Variants in UBA2 observed in about 807,000 individuals in gnomAD.
UBA2 encodes the protein ubiquitin like modifier activating enzyme 2, also known as SUMO-activating enzyme subunit 2.
In UBA2, 11 loss-of-function variants were observed where a neutral mutation model predicts 77.2. The observed-to-expected ratio is 0.14, with a 90% CI of 0.09 to 0.24. The LOEUF (loss-of-function observed/expected upper bound fraction) is 0.24. Among genes scored for constraint, UBA2 ranks in the 10% least tolerant of loss-of-function variants. The pLI is 1.00. For missense variants in UBA2, 487 were observed against 781.7 expected (o/e 0.62, Z 4.50); for synonymous variants, 278 against 276.7 (o/e 1.00, Z -0.05).
chr19:34,439,206 C>T (rs76530696), intron 6 of UBA2, among the ~76,000 whole-genome samples: 1 of 87,102 alleles, frequency 1.1e-5, no homozygotes, highest in Non-Finnish European at 2.3e-5. Flanking sequence ...GAATTTGTCT[C>T]AAAAAAAAAA....
chr19:34,433,313 T>C (rs966227923), intron 3 of UBA2, 35 bp from the exon 4 acceptor site: 2 of 1,504,346 alleles, frequency 1.3e-6, no homozygotes, highest in Admixed American at 3.5e-5. Context: ...GGAAGGCTAG[T>C]TATTTTGGTG....
In UBA2 at chr19:34,450,320, G is replaced by C. The variant is rs779877900; in HGVS notation, c.827G>C (p.Arg276Thr). 1 of 1,610,390 alleles carries C rather than the reference G, an allele frequency of 6.2e-7. No individual in the cohort carries two copies. Among genetic ancestry groups the C allele is most frequent in the Non-Finnish European group, 8.5e-7 (1 of 1,179,198 alleles). Residue 276 changes from arginine to threonine, a missense_variant, in exon 9 of 17, where the codon AGG becomes ACG. Arg to Thr is a moderately conservative substitution (Grantham distance 71). Coordinates refer to ENST00000246548, the MANE Select transcript of UBA2 (RefSeq NM_005499.3). ...ACAATGGACAAACTATGGCGGAAAA[G>C]GAAACCTCCAGTTCCGTTGGACTGG... The part of the protein sequence containing the change: ...LLTMDKLWRK[R>T]KPPVPLDWAE...
chr19:34,444,853 A>G (rs748644235), intron 7 of UBA2, 147 bp from the exon 8 acceptor site: 219 of 753,552 alleles, frequency 2.9e-4, no homozygotes, highest in Non-Finnish European at 3.5e-4. Flanking sequence ...ATGCTGATGA[A>G]TGTGTTATTT....
Position 34,443,890 on chromosome 19 carries a change from A to G in UBA2, c.628A>G (p.Arg210Gly). 1 of 1,611,254 alleles carries G rather than the reference A, an allele frequency of 6.2e-7. No homozygotes were observed. The highest frequency in any genetic ancestry group is 1.1e-5 in the South Asian group (1 of 91,024). The part of the protein sequence containing the change: ...EDADQEVSPD[R>G]ADPEAAWEPT... ...TGCTGATCAAGAAGTATCTCCTGAC[A>G]GAGCTGACCCTGAAGCTGCCTGTGA... is the stretch of plus-strand genomic sequence containing the variant. The change falls in exon 7 of 17, where the codon AGA (arginine) becomes GGA (glycine). Residue 210 changes from arginine (R) to glycine (G), a missense_variant. By Grantham distance (125) the Arg-to-Gly change is moderately radical (BLOSUM62 -2). This residue lies in a region of UBA2 where 300 missense variants were observed against 454.3 expected (regional missense o/e 0.66). Transcript: ENST00000246548.
At chr19:34,443,271 G>GT (rs2145515159) in intron 6 of UBA2, among the ~76,000 whole-genome samples, 1 of 152,264 alleles carries the variant, frequency 6.6e-6, no homozygotes, top group South Asian at 2.1e-4. Flanking sequence ...CCACTCACCT[G>GT]TTTCTTGAGC....
chr19:34,444,935 G>A, intron 7 of UBA2, 65 bp from the exon 8 acceptor site: 1 of 1,511,568 alleles, frequency 6.6e-7, no homozygotes, highest in Non-Finnish European at 8.9e-7. Context: ...ATTCCCAAAG[G>A]TGAGTGAAAA....
chr19:34,447,191 C>T (rs1008864867), intron 8 of UBA2, among the ~76,000 whole-genome samples: 5 of 152,094 alleles, frequency 3.3e-5, no homozygotes, highest in Admixed American at 2.0e-4. Context: ...GGCTGGGAGG[C>T]TAGGCCAGTC....
chr19:34,442,470 A>T (rs1276263807), intron 6 of UBA2, among the ~76,000 whole-genome samples: 5 of 152,076 alleles, frequency 3.3e-5, no homozygotes, highest in African/African-American at 1.2e-4. Flanking sequence ...TTTGAGATGG[A>T]GTTTCGCTCT....
rs1424104989 is a variant in UBA2 at position 34,431,719 on chromosome 19, A to G, written c.223-142A>G. 21 of 689,112 alleles carry G rather than the reference A, an allele frequency of 3.0e-5. 1 individual carries two copies. Among genetic ancestry groups the G allele is most frequent in the South Asian group, 2.6e-4 (14 of 54,446 alleles). 42.7% of individuals were successfully genotyped at this position (689,112 alleles called of 1,614,324 possible). On this transcript the variant is annotated intron_variant, in intron 2 of 16. Transcript: ENST00000246548. ...ATAAGTGTAGCTTAACCCTAATGCA[A>G]TTTTCTCACATTTTTGGACTTCTTT...
rs145118096 is a variant in UBA2, at chr19:34,450,633, C to G, written c.871+269C>G. ...AATGGAATCATACTATTGATAAACT[C>G]TCACTTGCTTTTGTCAGTCAGTATA... is the stretch of plus-strand genomic sequence containing the variant. On this transcript the variant is annotated intron_variant, in intron 9 of 16. Coordinates refer to ENST00000246548, the MANE Select transcript of UBA2 (RefSeq NM_005499.3). Among the ~76,000 whole-genome samples, 9 of 151,584 alleles carry G rather than the reference C, an allele frequency of 5.9e-5. No homozygotes were observed. The East Asian group carries it at 1.7e-3, about 29-fold the overall frequency.
chr19:34,440,779 A>G (rs537052237), intron 6 of UBA2, among the ~76,000 whole-genome samples: 15 of 152,240 alleles, frequency 9.9e-5, no homozygotes, highest in Admixed American at 9.2e-4. Flanking sequence ...ATACAAAATT[A>G]GCCGGACATG....
rs567092934 is a variant in UBA2, at chr19:34,456,833, C to A, written c.1246-1936C>A. On this transcript the variant is annotated intron_variant, in intron 12 of 16. Coordinates refer to ENST00000246548, the MANE Select transcript of UBA2 (RefSeq NM_005499.3). ...TTGGCCTCCCAAAGTGCTAGAATTA[C>A]AGGAGTGAGCCACCGTTCCTGGCCG... 1.3e-3 allele frequency among the ~76,000 whole-genome samples: 203 copies of A among 152,146 alleles called. 1 individual carries two copies. Among genetic ancestry groups the A allele is most frequent in the African/African-American group, 4.8e-3 (198 of 41,532 alleles).
chr19:34,443,418 T>G (rs940237863), intron 6 of UBA2, among the ~76,000 whole-genome samples: 4 of 151,990 alleles, frequency 2.6e-5, no homozygotes, highest in African/African-American at 9.6e-5. Context: ...CTTTTAAGTT[T>G]ATAGTCATTT....
chr19:34,444,431 C>A (rs2075406479), intron 7 of UBA2, among the ~76,000 whole-genome samples: 1 of 152,164 alleles, frequency 6.6e-6, no homozygotes, highest in Non-Finnish European at 1.5e-5. Flanking sequence ...TTTCACAAGT[C>A]TAGTAAATAG....
chr19:34,447,730 T>C (rs1333681938), intron 8 of UBA2, among the ~76,000 whole-genome samples: 1 of 152,232 alleles, frequency 6.6e-6, no homozygotes, highest in Non-Finnish European at 1.5e-5. Context: ...CTTAATGACA[T>C]TAAGTTCAGA....
chr19:34,466,583 A>AGTTC (rs2075690521), intron 15 of UBA2, among the ~76,000 whole-genome samples: 1 of 152,098 alleles, frequency 6.6e-6, no homozygotes, highest in African/African-American at 2.4e-5. Flanking sequence ...TTTTATTATA[A>AGTTC]GTTCAGTGCT....
chr19:34,438,518 T>A (rs773605844), intron 5 of UBA2, 127 bp from the exon 6 acceptor site: 1 of 1,162,618 alleles, frequency 8.6e-7, no homozygotes, highest in Non-Finnish European at 1.2e-6. Context: ...GAGTCACTAA[T>A]ATTTTAAAAT....
intron 3 of UBA2, chr19:34,433,143 A>G: frequency 4.1e-6 from 2 of 482,730 alleles, no homozygotes; most frequent in South Asian, 6.0e-5. Context: ...CTAGCTGGCC[A>G]AAAAGGATAG....
chr19:34,439,769 G>A (rs1265483730), intron 6 of UBA2, among the ~76,000 whole-genome samples: 1 of 152,082 alleles, frequency 6.6e-6, no homozygotes, highest in Non-Finnish European at 1.5e-5. Context: ...GCAGTGAACC[G>A]AGATAGTGCC....
Sources: gnomAD v4.1 joint callset for allele counts (sites outside exome capture counted in the v4.1 genomes callset) on GRCh38, gnomAD v4.1.1 for gene constraint, gnomAD v4.1.1 regional missense constraint, MANE v1.5 for transcripts, NCBI Gene and HGNC (gene_info 2026-07-23, HGNC 2026-07-21) for gene names.